The following RNF6 variants were observed in gnomAD, a reference collection of about 807,000 sequenced individuals.
RNF6 encodes ring finger protein 6.
A neutral mutation model predicts 50.1 loss-of-function variants in RNF6; 21 were observed. The observed-to-expected ratio is 0.42, with a 90% CI of 0.30 to 0.60. RNF6 has a LOEUF of 0.60. Ranked by LOEUF, RNF6 falls within the 20% of genes least tolerant of loss-of-function variation. RNF6 has a pLI of 0.20. For missense variants in RNF6, 698 were observed against 838.2 expected (o/e 0.83, Z 2.07); for synonymous variants, 255 against 291.8 (o/e 0.87, Z 1.29).
At chr13:26,208,171 G>C (rs1869183764), downstream of RNF6, among the ~76,000 whole-genome samples, 1 of 152,214 alleles carries the variant, frequency 6.6e-6, no homozygotes, top group Admixed American at 6.5e-5. Flanking sequence ...TTGGCTCTTA[G>C]CTGGCAGCCT....
At chr13:26,158,642 A>G (rs926465297) in intron 5 of RNF6, among the ~76,000 whole-genome samples, 2 of 152,308 alleles carry the variant, frequency 1.3e-5, no homozygotes, top group African/African-American at 4.8e-5. Context: ...TGATAAAAAC[A>G]GGTTTTAGAA....
chr13:26,134,692 C>A (rs1260774145), intron 5 of RNF6, among the ~76,000 whole-genome samples: 1 of 152,006 alleles, frequency 6.6e-6, no homozygotes, highest in East Asian at 1.9e-4. Context: ...TATATAATGC[C>A]CAAAGTTGTT....
chr13:26,173,267 T>C (rs535043569), intron 5 of RNF6, among the ~76,000 whole-genome samples: 2 of 152,326 alleles, frequency 1.3e-5, no homozygotes, highest in East Asian at 1.9e-4. Context: ...AACAAAGATA[T>C]GCATTTCAGC....
At chr13:26,175,669 G>T (rs1321084911) in intron 5 of RNF6, among the ~76,000 whole-genome samples, 1 of 152,150 alleles carries the variant, frequency 6.6e-6, no homozygotes, top group Admixed American at 6.5e-5. Flanking sequence ...ACCTGGGAGT[G>T]GGGGAAAACC....
At chr13:26,218,669 G>A in intron 3 of RNF6, 63 bp from the exon 4 acceptor site, 4 of 1,231,426 alleles carry the variant, frequency 3.2e-6, no homozygotes, top group Non-Finnish European at 3.6e-6. Flanking sequence ...ACCTCATGAA[G>A]GGTAAGACTA....
intron 5 of RNF6, among the ~76,000 whole-genome samples, chr13:26,204,446 G>A (rs555296044): frequency 3.6e-5 from 5 of 137,646 alleles, no homozygotes; most frequent in East Asian, 4.3e-4. Context: ...GCAGTGAGCC[G>A]AGATTGCACC....
chr13:26,212,097 C>G (rs1485005398), downstream of RNF6, among the ~76,000 whole-genome samples: 1 of 152,102 alleles, frequency 6.6e-6, no homozygotes, highest in African/African-American at 2.4e-5. Context: ...CACAATAGTT[C>G]TCTTATTGGT....
At chr13:26,173,745 G>GATCGAGAC (rs1566420052) in intron 5 of RNF6, among the ~76,000 whole-genome samples, 1 of 151,984 alleles carries the variant, frequency 6.6e-6, no homozygotes, top group Non-Finnish European at 1.5e-5. Flanking sequence ...AAGGTCAGGA[G>GATCGAGAC]ATCGAGACCA....
chr13:26,215,377 A>G lies in RNF6; in HGVS notation c.505T>C (p.Tyr169His). The change falls in exon 5 of 5, where the codon TAT (tyrosine) becomes CAT (histidine). Residue 169 changes from tyrosine (Y) to histidine (H), a missense_variant. Coordinates refer to ENST00000381588, the MANE Select transcript of RNF6 (RefSeq NM_005977.4). Reference sequence around the variant, plus strand: ...CTATCTGAAAGTGGAATGTCTGTATAATCTTCTCCATGAATTTCAAATCCT... The same window carrying G: ...CTATCTGAAAGTGGAATGTCTGTATGATCTTCTCCATGAATTTCAAATCCT... ...NRGFEIHGEDYTDIPLSDSNR... is the reference protein window; with the variant it reads ...NRGFEIHGEDHTDIPLSDSNR... The G allele has an allele frequency of 6.2e-7, 1 of 1,614,210 alleles. No individual in the cohort carries two copies. Among genetic ancestry groups the G allele is most frequent in the Non-Finnish European group, 8.5e-7 (1 of 1,180,048 alleles).
intron 5 of RNF6, among the ~76,000 whole-genome samples, chr13:26,188,814 G>C (rs567519498): frequency 4.1e-4 from 62 of 151,672 alleles, no homozygotes; most frequent in African/African-American, 1.4e-3. Flanking sequence ...ATTTTTAGTA[G>C]AGATGAGGTT....
intron 5 of RNF6, among the ~76,000 whole-genome samples, chr13:26,174,025 G>A (rs1323702496): frequency 6.6e-6 from 1 of 151,676 alleles, no homozygotes; most frequent in Non-Finnish European, 1.5e-5. Context: ...TATTCTTAAT[G>A]GTGAGAATAT....
intron 5 of RNF6, among the ~76,000 whole-genome samples, chr13:26,176,660 C>T (rs1872970039): frequency 6.6e-6 from 1 of 152,222 alleles, no homozygotes; most frequent in African/African-American, 2.4e-5. Flanking sequence ...AGGCTGGGCA[C>T]AGTGGCTCAC....
intron 5 of RNF6, among the ~76,000 whole-genome samples, chr13:26,151,985 C>G (rs1169151965): frequency 6.6e-6 from 1 of 152,122 alleles, no homozygotes; most frequent in African/African-American, 2.4e-5. Flanking sequence ...CTCACGACTG[C>G]CACTGCCTTC....
In RNF6 at chr13:26,166,383, G is replaced by A. The variant is rs1403871371; in HGVS notation, n.769-33932C>T. 3.3e-5 allele frequency among the ~76,000 whole-genome samples: 5 copies of A among 152,318 alleles called. No individual in the cohort carries two copies. The East Asian group carries it at 9.6e-4, about 29-fold the overall frequency. ...ATCAGGCAAGAGAAAGAAACAAAGAGCATCCAAAGAGGAAGAGAGGAAGTC... is the reference window on the plus strand; with the variant it reads ...ATCAGGCAAGAGAAAGAAACAAAGAACATCCAAAGAGGAAGAGAGGAAGTC... On this transcript the variant is annotated intron_variant and non_coding_transcript_variant, in intron 5 of 5. Transcript: ENST00000468480.
rs138254956 is a variant in RNF6, at chr13:26,188,287, A to G, written n.768+27187T>C. Among the ~76,000 whole-genome samples the G allele has an allele frequency of 9.4e-3, 1,427 of 152,314 alleles. 23 individuals carry two copies. The highest frequency in any genetic ancestry group is 0.033 in the African/African-American group (1,359 of 41,566). Reference sequence around the variant, plus strand: ...GCTGATGGTGGCAAGGGAGGCAATTATAACAATATCCCTCCCCTTCTACCC... The same window carrying G: ...GCTGATGGTGGCAAGGGAGGCAATTGTAACAATATCCCTCCCCTTCTACCC... On this transcript the variant is annotated intron_variant and non_coding_transcript_variant, in intron 5 of 5. Coordinates refer to the RNF6 transcript ENST00000468480.
At chr13:26,147,494 T>C (rs1290536635) in intron 5 of RNF6, among the ~76,000 whole-genome samples, 1 of 152,298 alleles carries the variant, frequency 6.6e-6, no homozygotes, top group East Asian at 1.9e-4. Flanking sequence ...CTTATACCAC[T>C]GGGTGTGAAG....
Position 26,215,466 on chromosome 13 carries a change from C to T in RNF6, c.416G>A (p.Arg139Gln), listed in dbSNP as rs780797461. 12 of 1,614,002 alleles carry T rather than the reference C, an allele frequency of 7.4e-6. No homozygotes were observed. Among genetic ancestry groups the T allele is most frequent in the Non-Finnish European group, 1.0e-5 (12 of 1,180,036 alleles). The change falls in exon 5 of 5, where the codon CGA becomes CAA. Residue 139 changes from arginine (R) to glutamine (Q), a missense_variant. By Grantham distance (43) the Arg-to-Gln change is conservative. Coordinates refer to ENST00000381588, the MANE Select transcript of RNF6 (RefSeq NM_005977.4). ...AAACTCTCCATTGTTCGGGTTTGTT[C>T]GACTCACAGCTCTCCAAGTTTGGTT... ...NGNQTWRAVS[R>Q]TNPNNGEFRF...
At chr13:26,140,168 A>G (rs1870862994) in intron 5 of RNF6, among the ~76,000 whole-genome samples, 1 of 152,210 alleles carries the variant, frequency 6.6e-6, no homozygotes, top group Non-Finnish European at 1.5e-5. Flanking sequence ...CTTTATACAA[A>G]TGAGAATTTC....
intron 5 of RNF6, among the ~76,000 whole-genome samples, chr13:26,157,882 AGATGGATGGATG>A (rs61591240): frequency 2.1e-4 from 31 of 149,316 alleles, no homozygotes; most frequent in South Asian, 1.5e-3. Context: ...AGAGAAAAAG[AGATGGATGGATG>A]GATGGATGGA....
Sources: gnomAD v4.1 joint callset for allele counts (sites outside exome capture counted in the v4.1 genomes callset) on GRCh38, gnomAD v4.1.1 for gene constraint, MANE v1.5 for transcripts, NCBI Gene and HGNC (gene_info 2026-07-23, HGNC 2026-07-21) for gene names.